SLC75A1: variants seen among roughly 807,000 people sequenced by gnomAD.
SLC75A1 encodes major facilitator superfamily domain containing 10.
the SLC75A1 span, chr4:2,931,719 C>T: frequency 6.4e-7 from 1 of 1,568,582 alleles, no homozygotes; most frequent in South Asian, 1.1e-5. Context: ...CAGGGCAGGG[C>T]CAGGGCGAGA....
At chr4:2,934,067 G>GAC in the SLC75A1 span, 9 of 904,084 alleles carry the variant, frequency 1.0e-5, no homozygotes, top group Non-Finnish European at 1.5e-5. Flanking sequence ...CTGGCCTACG[G>GAC]ACGCAGGGGC....
the SLC75A1 span, chr4:2,932,448 G>A: frequency 1.9e-6 from 3 of 1,613,776 alleles, no homozygotes; most frequent in Non-Finnish European, 1.7e-6. Flanking sequence ...CATTTCCAGG[G>A]GCAGGGAGGC....
At chr4:2,930,917 G>A in the SLC75A1 span, 14 of 1,612,970 alleles carry the variant, frequency 8.7e-6, no homozygotes, top group East Asian at 2.2e-5. Flanking sequence ...CCCGGACCAC[G>A]TGGTGAAGCA....
At chr4:2,933,259 G>A in the SLC75A1 span, 1 of 1,559,552 alleles carries the variant, frequency 6.4e-7, no homozygotes, top group South Asian at 1.1e-5. Flanking sequence ...CATGAGCTGT[G>A]GTCTTGGGGC....
chr4:2,932,513 C>G, the SLC75A1 span: 1 of 1,613,596 alleles, frequency 6.2e-7, no homozygotes, highest in Non-Finnish European at 8.5e-7. Context: ...CAATGACCGC[C>G]TAGGGAAAAG....
chr4:2,931,989 G>A, the SLC75A1 span: 16 of 1,600,770 alleles, frequency 1.0e-5, no homozygotes, highest in Admixed American at 1.7e-5. Context: ...GAAGGGCGCC[G>A]CCCGGGGAAG....
chr4:2,932,105 G>A, the SLC75A1 span: 3 of 1,610,532 alleles, frequency 1.9e-6, no homozygotes, highest in East Asian at 2.2e-5. Flanking sequence ...AGGGCCAGGG[G>A]GCTGAGCAGA....
At chr4:2,934,057 C>T in the SLC75A1 span, 6 of 1,001,374 alleles carry the variant, frequency 6.0e-6, no homozygotes, top group Non-Finnish European at 7.2e-6. Flanking sequence ...GGCAGGGGCT[C>T]TGGCCTACGG....
chr4:2,931,236 C>T, the SLC75A1 span: 27 of 1,563,896 alleles, frequency 1.7e-5, no homozygotes, highest in East Asian at 9.5e-5. Context: ...CCATAGCCAG[C>T]GACCACGGAG....
the SLC75A1 span, chr4:2,931,690 C>T: frequency 1.3e-6 from 2 of 1,599,312 alleles, no homozygotes; most frequent in Admixed American, 3.4e-5. Flanking sequence ...TAGTGCAGGG[C>T]ACCCGGGGCA....
At chr4:2,933,938 A>ACCTGG in the SLC75A1 span, 38 of 1,553,076 alleles carry the variant, frequency 2.4e-5, no homozygotes, top group East Asian at 9.2e-4. Flanking sequence ...GGCTGCTCTG[A>ACCTGG]CCTGGCCTGG....
the SLC75A1 span, chr4:2,934,026 G>A: frequency 7.6e-7 from 1 of 1,323,806 alleles, no homozygotes; most frequent in Non-Finnish European, 1.0e-6. Context: ...GACAGCCGGC[G>A]AGCACCCTAA....
At chr4:2,930,856 C>T in the SLC75A1 span, 11 of 1,613,110 alleles carry the variant, frequency 6.8e-6, no homozygotes, top group East Asian at 2.2e-5. Context: ...CCTTGAGCGT[C>T]TGTGCCGGGT....
chr4:2,933,111 A>C, the SLC75A1 span: 1 of 1,613,434 alleles, frequency 6.2e-7, no homozygotes, highest in Non-Finnish European at 8.5e-7. Flanking sequence ...CATACCAGGC[A>C]CAGCAGCATC....
chr4:2,933,728 T>G, the SLC75A1 span: 1 of 1,599,200 alleles, frequency 6.3e-7, no homozygotes, highest in Admixed American at 1.7e-5. Flanking sequence ...CAGGGGGCAC[T>G]GTGGGCCGCA....
chr4:2,930,854 GT>G, the SLC75A1 span: 1 of 1,613,082 alleles, frequency 6.2e-7, no homozygotes, highest in South Asian at 1.1e-5. Context: ...AGCCTTGAGC[GT>G]CTGTGCCGGG....
chr4:2,932,568 C>T, the SLC75A1 span: 4 of 1,612,392 alleles, frequency 2.5e-6, no homozygotes, highest in Non-Finnish European at 3.4e-6. Context: ...AAGTCACCAC[C>T]AGGACCCCAA....
At chr4:2,930,932 T>C in the SLC75A1 span, 4 of 1,612,954 alleles carry the variant, frequency 2.5e-6, no homozygotes, top group African/African-American at 2.7e-5. Context: ...GAAGCAGGCC[T>C]GGGCCCCGGC....
the SLC75A1 span, chr4:2,933,332 G>T: frequency 9.5e-7 from 1 of 1,056,870 alleles, no homozygotes; most frequent in South Asian, 1.5e-5. Context: ...ACACTCACAG[G>T]CCATGGCCCT....
Sources: gnomAD v4.1 joint callset for allele counts on GRCh38, gnomAD v4.1.1 for gene constraint, MANE v1.5 for transcripts, NCBI Gene and HGNC (gene_info 2026-07-23, HGNC 2026-07-21) for gene names.